The following SAMTOR variants were observed in gnomAD, a reference collection of about 807,000 sequenced individuals.
The protein encoded by SAMTOR is UPF0532 protein C7orf60.
the SAMTOR span, among the ~76,000 whole-genome samples, chr7:112,859,232 A>C: frequency 2.0e-5 from 3 of 152,136 alleles, no homozygotes; most frequent in Non-Finnish European, 4.4e-5. Flanking sequence ...TTCTATCTCT[A>C]TATATACAGT....
chr7:112,905,035 C>G, the SAMTOR span, among the ~76,000 whole-genome samples: 4 of 151,916 alleles, frequency 2.6e-5, no homozygotes, highest in African/African-American at 9.7e-5. Flanking sequence ...TACACATAGA[C>G]CATTAATTCC....
chr7:112,820,579 T>G, the SAMTOR span: 4 of 152,348 alleles, frequency 2.6e-5, no homozygotes, highest in Non-Finnish European at 1.5e-5. Context: ...TAAACTAATC[T>G]TGTCTTGTTT....
At chr7:112,921,960 T>TCCCGCTCCCG in the SAMTOR span, among the ~76,000 whole-genome samples, 2 of 151,036 alleles carry the variant, frequency 1.3e-5, no homozygotes, top group African/African-American at 4.9e-5. Context: ...TCCCTCTCCC[T>TCCCGCTCCCG]CTCCCTCTCC....
the SAMTOR span, among the ~76,000 whole-genome samples, chr7:112,911,681 A>T: frequency 6.6e-6 from 1 of 152,024 alleles, no homozygotes; most frequent in African/African-American, 2.4e-5. Context: ...GAAAAAGACA[A>T]CCCAAATGGA....
chr7:112,926,773 T>C, the SAMTOR span, among the ~76,000 whole-genome samples: 1 of 152,138 alleles, frequency 6.6e-6, no homozygotes, highest in Non-Finnish European at 1.5e-5. Flanking sequence ...GGAGAAGACA[T>C]GTAAAATGTG....
the SAMTOR span, among the ~76,000 whole-genome samples, chr7:112,923,354 G>C: frequency 1.3e-5 from 2 of 151,932 alleles, no homozygotes; most frequent in African/African-American, 4.8e-5. Context: ...AGGCTGCAGG[G>C]TCCTCTGCCT....
chr7:112,840,543 A>G, the SAMTOR span, among the ~76,000 whole-genome samples: 1 of 151,866 alleles, frequency 6.6e-6, no homozygotes, highest in African/African-American at 2.4e-5. Context: ...TCTGTCTTTA[A>G]CCATTTTATT....
At chr7:112,907,651 G>T in the SAMTOR span, among the ~76,000 whole-genome samples, 1 of 150,994 alleles carries the variant, frequency 6.6e-6, no homozygotes, top group African/African-American at 2.4e-5. Context: ...TCAAAAACAT[G>T]ATCACATAAT....
the SAMTOR span, among the ~76,000 whole-genome samples, chr7:112,908,455 C>T: frequency 2.0e-5 from 3 of 152,168 alleles, no homozygotes; most frequent in African/African-American, 7.2e-5. Flanking sequence ...CCTTGCAGAT[C>T]TTAGGAGTTG....
chr7:112,877,260 ATGTG>A, the SAMTOR span, among the ~76,000 whole-genome samples: 6 of 152,196 alleles, frequency 3.9e-5, no homozygotes, highest in African/African-American at 1.4e-4. Context: ...AGAGTTTACA[ATGTG>A]TTCTAACAGG....
the SAMTOR span, among the ~76,000 whole-genome samples, chr7:112,933,339 C>T: frequency 6.6e-6 from 1 of 152,120 alleles, no homozygotes; most frequent in East Asian, 1.9e-4. Context: ...ATGTGCCTGA[C>T]TTATTTAGAC....
At chr7:112,937,675 G>A in the SAMTOR span, among the ~76,000 whole-genome samples, 1 of 150,604 alleles carries the variant, frequency 6.6e-6, no homozygotes, top group African/African-American at 2.5e-5. Context: ...GCCTAGAGAA[G>A]TCTAGATCAC....
chr7:112,920,827 G>A, the SAMTOR span, among the ~76,000 whole-genome samples: 1 of 151,900 alleles, frequency 6.6e-6, no homozygotes, highest in Non-Finnish European at 1.5e-5. Context: ...GCCAAATCAT[G>A]AGTGAACTCC....
At chr7:112,934,939 A>T in the SAMTOR span, among the ~76,000 whole-genome samples, 1 of 152,346 alleles carries the variant, frequency 6.6e-6, no homozygotes, top group African/African-American at 2.4e-5. Flanking sequence ...CATGCCCTTC[A>T]TTGAACTGAC....
the SAMTOR span, among the ~76,000 whole-genome samples, chr7:112,925,636 A>C: frequency 6.6e-6 from 1 of 152,056 alleles, no homozygotes; most frequent in Non-Finnish European, 1.5e-5. Flanking sequence ...TCTACTACAA[A>C]ATACAAAATT....
chr7:112,929,680 G>A, the SAMTOR span, among the ~76,000 whole-genome samples: 1 of 151,974 alleles, frequency 6.6e-6, no homozygotes, highest in South Asian at 2.1e-4. Context: ...GAAAATAAAT[G>A]GAGGTGAATC....
the SAMTOR span, among the ~76,000 whole-genome samples, chr7:112,830,435 C>T: frequency 1.3e-5 from 2 of 152,058 alleles, no homozygotes; most frequent in Admixed American, 1.3e-4. Context: ...TTTGTCTTCC[C>T]TGGTGACTAT....
the SAMTOR span, among the ~76,000 whole-genome samples, chr7:112,850,498 C>T: frequency 6.6e-6 from 1 of 152,098 alleles, no homozygotes; most frequent in Admixed American, 6.6e-5. Context: ...CTTTGTGCAT[C>T]TGGTAGAGCT....
chr7:112,831,922 A>T, the SAMTOR span, among the ~76,000 whole-genome samples: 1 of 152,170 alleles, frequency 6.6e-6, no homozygotes, highest in East Asian at 1.9e-4. Context: ...TCAGAAAGAG[A>T]TGCATTAAAA....
Sources: allele counts gnomAD v4.1 joint callset (sites outside exome capture counted in the v4.1 genomes callset), GRCh38; gene constraint gnomAD v4.1.1; transcripts MANE v1.5; gene names NCBI Gene and HGNC (gene_info 2026-07-23, HGNC 2026-07-21).